The following WNT7B variants were observed in gnomAD, a reference collection of about 807,000 sequenced individuals.
The protein encoded by WNT7B is Wnt family member 7B.
In WNT7B, 19 loss-of-function variants were observed where a neutral mutation model predicts 38.2. The ratio of observed to expected loss-of-function variants is 0.50; its 90% CI spans 0.35 to 0.73. The LOEUF (loss-of-function observed/expected upper bound fraction) is 0.73, where lower values mean the gene tolerates loss of function less well. Among genes scored for constraint, WNT7B ranks in the 30% least tolerant of loss-of-function variants. The pLI, the probability that WNT7B is intolerant of heterozygous loss-of-function variation, is 0.01. For missense variants in WNT7B, 423 were observed against 507.9 expected, an observed-to-expected ratio of 0.83 and a Z score of 1.61; for synonymous variants, 243 against 209.3, an observed-to-expected ratio of 1.16 and a Z score of -1.39.
chr22:45,923,557 G>A lies in WNT7B; in HGVS notation c.571-222C>T, dbSNP rs142922695. The stretch of plus-strand genomic sequence containing the variant: ...GCATAGGAGGTTGTGAGGGTACAGT[G>A]AGAATATTCAGGACTTGGCAGAGCC... On this transcript the variant is annotated intron_variant, in intron 3 of 3. Coordinates refer to ENST00000339464, the MANE Select transcript of WNT7B (RefSeq NM_058238.3). 2.3e-3 allele frequency among the ~76,000 whole-genome samples: 352 copies of A among 152,334 alleles called. 2 individuals are homozygous for A. Among genetic ancestry groups the A allele is most frequent in the African/African-American group, 7.9e-3 (329 of 41,556 alleles).
chr22:45,925,720 G>A, intron 3 of WNT7B: 1 of 985,422 alleles, frequency 1.0e-6, no homozygotes, highest in Non-Finnish European at 1.2e-6. Context: ...CTGCTCGGAT[G>A]CTCCCCAGGC....
chr22:45,964,765 C>T (rs1254894823), intron 1 of WNT7B, among the ~76,000 whole-genome samples: 1 of 152,150 alleles, frequency 6.6e-6, no homozygotes, highest in Non-Finnish European at 1.5e-5. Flanking sequence ...TTGCTGGGTA[C>T]CGACTGAGTG....
chr22:45,933,308 C>G (rs1041997548), intron 2 of WNT7B, among the ~76,000 whole-genome samples: 3 of 152,214 alleles, frequency 2.0e-5, no homozygotes, highest in Non-Finnish European at 4.4e-5. Context: ...GGCAGCACAG[C>G]CCCTGCCTTT....
intron 1 of WNT7B, among the ~76,000 whole-genome samples, chr22:45,955,181 G>A (rs560587984): frequency 1.1e-4 from 17 of 152,282 alleles, no homozygotes; most frequent in South Asian, 4.1e-4. Context: ...CTGCTGCCCC[G>A]GGCACTGTCC....
intron 1 of WNT7B, among the ~76,000 whole-genome samples, chr22:45,967,292 T>C (rs1243967892): frequency 6.6e-6 from 1 of 152,016 alleles, no homozygotes; most frequent in East Asian, 1.9e-4. Flanking sequence ...CGGCCTCCTG[T>C]CCCTTTGGGA....
rs969330396 is a variant in WNT7B, at chr22:45,975,453, C to A, written c.71+1231G>T. 4 of 686,684 alleles carry A rather than the reference C, an allele frequency of 5.8e-6. No individual in the cohort carries two copies. Among genetic ancestry groups the A allele is most frequent in the East Asian group, 2.7e-5 (1 of 36,400 alleles). The allele number at this position is 686,684 out of a possible 1,614,324, so 42.5% of individuals were successfully genotyped here. A position where few individuals can be genotyped will look rare whatever the true frequency, so the allele number is the denominator to read the frequency against. Reference sequence around the variant, plus strand: ...GCAGCCGCAGACACGCCCGCCCAGACCTGCAGGGCTCAGGCTAGGACGGGG... The same window carrying A: ...GCAGCCGCAGACACGCCCGCCCAGAACTGCAGGGCTCAGGCTAGGACGGGG... On this transcript the variant is annotated intron_variant, in intron 1 of 3. Coordinates refer to ENST00000339464, the MANE Select transcript of WNT7B (RefSeq NM_058238.3). This position sits in a 1 kb window ranked among gnomAD's most constrained non-coding sequence, Gnocchi z 6.6.
chr22:45,926,382 G>A (rs56022040), intron 3 of WNT7B: 125,482 of 985,282 alleles, frequency 0.13, 8,122 homozygotes, highest in East Asian at 0.21. Context: ...GACGCTGGGG[G>A]CCTGGTTGGG....
intron 1 of WNT7B, among the ~76,000 whole-genome samples, chr22:45,954,217 G>T (rs901946117): frequency 4.8e-5 from 7 of 147,020 alleles, no homozygotes; most frequent in African/African-American, 1.8e-4. Flanking sequence ...CAAATCCATC[G>T]AGATAGAAAG....
intron 1 of WNT7B, among the ~76,000 whole-genome samples, chr22:45,958,092 A>T (rs1204066018): frequency 5.3e-5 from 8 of 152,130 alleles, no homozygotes; most frequent in African/African-American, 1.9e-4. Context: ...CCAGCCTGGC[A>T]CTCAGGCGGT....
In WNT7B at chr22:45,954,818, T is replaced by A; in HGVS notation, c.72-4672A>T. On this transcript the variant is annotated intron_variant, in intron 1 of 3. Coordinates refer to ENST00000339464, the MANE Select transcript of WNT7B (RefSeq NM_058238.3). ...ATTCTGAGGGTTAACTCTGGGCCGT[T>A]GGGACCTCAGACCTCACCTATGTAT... The A allele has an allele frequency of 3.1e-6, 3 of 958,932 alleles. No homozygotes were observed. The South Asian group carries it at 1.5e-4, about 46-fold the overall frequency. The allele number at this position is 958,932 out of a possible 1,614,324, so 59.4% of individuals were successfully genotyped here. A position where few individuals can be genotyped will look rare whatever the true frequency, so the allele number is the denominator to read the frequency against.
chr22:45,959,692 G>A (rs1420260523), intron 1 of WNT7B, among the ~76,000 whole-genome samples: 1 of 152,072 alleles, frequency 6.6e-6, no homozygotes, highest in Non-Finnish European at 1.5e-5. Context: ...CCACCTGGGT[G>A]GACCCCCGCT....
intron 2 of WNT7B, among the ~76,000 whole-genome samples, chr22:45,933,633 T>C (rs1021298738): frequency 6.6e-6 from 1 of 152,100 alleles, no homozygotes; most frequent in Non-Finnish European, 1.5e-5. Context: ...AGAGGGATCA[T>C]GGCACCTCAA....
At chr22:45,954,737 G>A (rs1932020992) in intron 1 of WNT7B, 2 of 985,406 alleles carry the variant, frequency 2.0e-6, no homozygotes, top group African/African-American at 1.7e-5. Flanking sequence ...TTTCAAAATT[G>A]TCTCCCTTAC....
intron 2 of WNT7B, among the ~76,000 whole-genome samples, chr22:45,942,582 T>C (rs894695204): frequency 7.2e-5 from 11 of 152,210 alleles, no homozygotes; most frequent in African/African-American, 2.2e-4. Context: ...AATCCTGACC[T>C]GGACCAGCCG....
chr22:45,974,910 C>A (rs2032277886), intron 1 of WNT7B, among the ~76,000 whole-genome samples: 1 of 152,146 alleles, frequency 6.6e-6, no homozygotes, highest in South Asian at 2.1e-4. Flanking sequence ...CTGGAAGCAG[C>A]CCCAGGAGCC....
chr22:45,957,682 CAAAAAAAAAAAA>C (rs367797133), intron 1 of WNT7B, among the ~76,000 whole-genome samples: 47 of 36,012 alleles, frequency 1.3e-3, no homozygotes, highest in East Asian at 3.3e-3. Context: ...GACTCCGTCT[CAAAAAAAAAAAA>C]AAAAAAAAAA....
chr22:45,942,693 T>C (rs1931679301), intron 2 of WNT7B, among the ~76,000 whole-genome samples: 1 of 152,170 alleles, frequency 6.6e-6, no homozygotes, highest in African/African-American at 2.4e-5. Context: ...ACGCACCTCA[T>C]GGGGTCCTAC....
At chr22:45,960,897 G>A (rs1196680979) in intron 1 of WNT7B, among the ~76,000 whole-genome samples, 1 of 152,200 alleles carries the variant, frequency 6.6e-6, no homozygotes, top group Non-Finnish European at 1.5e-5. Flanking sequence ...GGGTTCCTTG[G>A]GGCTGAGTAT....
At position 45,931,160 on chromosome 22, in the gene WNT7B, G is replaced by A. The variant is rs746608387; in HGVS notation, c.508C>T (p.Arg170Trp). 6.3e-7 allele frequency: 1 copy of A among 1,599,338 alleles called. No homozygotes were observed. The highest frequency in any genetic ancestry group is 2.2e-5 in the East Asian group (1 of 44,830). ...IDFSRRFVDAREIKKNARRLM... is the reference protein window; with the variant it reads ...IDFSRRFVDAWEIKKNARRLM... ...CGCCGCGCGTTCTTCTTGATCTCCCGAGCGTCCACGAAGCGCCGGGAGAAG... is the reference window on the plus strand; with the variant it reads ...CGCCGCGCGTTCTTCTTGATCTCCCAAGCGTCCACGAAGCGCCGGGAGAAG... Residue 170 changes from arginine to tryptophan, a missense_variant, in exon 3 of 4, where the codon CGG (arginine) becomes TGG (tryptophan). By Grantham distance (101) the Arg-to-Trp change is moderately radical (BLOSUM62 -3). Coordinates refer to ENST00000339464, the MANE Select transcript of WNT7B (RefSeq NM_058238.3).
Sources: gnomAD v4.1 joint callset for allele counts (sites outside exome capture counted in the v4.1 genomes callset) on GRCh38, gnomAD v4.1.1 for gene constraint, Gnocchi (gnomAD v3.1) non-coding constraint, MANE v1.5 for transcripts, NCBI Gene and HGNC (gene_info 2026-07-23, HGNC 2026-07-21) for gene names.